The following PRKG1 variants were observed in gnomAD, a reference collection of about 807,000 sequenced individuals.
The protein encoded by PRKG1 is protein kinase cGMP-dependent 1, also known as cGMP-dependent protein kinase 1.
A neutral mutation model predicts 88.1 loss-of-function variants in PRKG1; 35 were observed. The observed-to-expected ratio is 0.40, with a 90% CI of 0.30 to 0.53. The LOEUF (loss-of-function observed/expected upper bound fraction) is 0.53. PRKG1 is among the 20% of genes least tolerant of loss of function. The pLI, the probability that PRKG1 is intolerant of heterozygous loss-of-function variation, is 0.59. For missense variants in PRKG1, 540 were observed against 839.8 expected (o/e 0.64, Z 4.41); for synonymous variants, 303 against 292.5 (o/e 1.04, Z -0.37).
At chr10:51,413,343 TG>T (rs973419884) in intron 2 of PRKG1, among the ~76,000 whole-genome samples, 4 of 134,902 alleles carry the variant, frequency 3.0e-5, no homozygotes, top group African/African-American at 8.0e-5. Flanking sequence ...TTAAAAAAAA[TG>T]TTTTTTTTTT....
At chr10:51,919,542 T>C (rs1045137727) in intron 5 of PRKG1, among the ~76,000 whole-genome samples, 1 of 151,966 alleles carries the variant, frequency 6.6e-6, no homozygotes, top group African/African-American at 2.4e-5. Flanking sequence ...GATTTTTTTT[T>C]TTGCTTTGAC....
intron 7 of PRKG1, among the ~76,000 whole-genome samples, chr10:52,095,960 G>T (rs1589602567): frequency 6.6e-6 from 1 of 152,294 alleles, no homozygotes; most frequent in African/African-American, 2.4e-5. Context: ...GTCAGAGAGT[G>T]ATTCCCCAGA....
chr10:51,463,342 CA>C (rs1839795406), intron 2 of PRKG1, among the ~76,000 whole-genome samples: 2 of 152,104 alleles, frequency 1.3e-5, no homozygotes, highest in Non-Finnish European at 2.9e-5. Context: ...GTGTCTCTGG[CA>C]AAAGCATGCT....
chr10:51,710,437 G>A (rs1276544612), intron 3 of PRKG1, among the ~76,000 whole-genome samples: 1 of 152,108 alleles, frequency 6.6e-6, no homozygotes, highest in Admixed American at 6.5e-5. Context: ...TGAAGATAGG[G>A]ATTATGATTT....
chr10:51,611,826 T>C (rs1250787003), intron 3 of PRKG1, among the ~76,000 whole-genome samples: 1 of 152,118 alleles, frequency 6.6e-6, no homozygotes, highest in Non-Finnish European at 1.5e-5. Flanking sequence ...CAGTGAGAGA[T>C]AGAAATGCAG....
At chr10:51,333,780 A>C (rs1841798888) in intron 2 of PRKG1, among the ~76,000 whole-genome samples, 1 of 152,180 alleles carries the variant, frequency 6.6e-6, no homozygotes, top group Admixed American at 6.5e-5. Flanking sequence ...GGAAGACAGA[A>C]AATCCAAGCC....
At chr10:51,625,026 T>C (rs1359923641) in intron 3 of PRKG1, among the ~76,000 whole-genome samples, 1 of 152,348 alleles carries the variant, frequency 6.6e-6, no homozygotes, top group East Asian at 1.9e-4. Context: ...AACAATGTAT[T>C]GTATATTTCA....
intron 3 of PRKG1, among the ~76,000 whole-genome samples, chr10:51,510,744 AT>A (rs71459420): frequency 0.29 from 38,758 of 133,856 alleles, 5,599 homozygotes; most frequent in East Asian, 0.86. Context: ...GCATTGTACT[AT>A]TTTTTTTTTT....
intron 2 of PRKG1, among the ~76,000 whole-genome samples, chr10:51,227,775 A>G (rs1406335576): frequency 1.3e-5 from 2 of 152,314 alleles, no homozygotes; most frequent in East Asian, 3.9e-4. Context: ...AGATCAGGTA[A>G]AGCATCCCTG....
At chr10:51,215,417 A>G (rs997871908) in intron 2 of PRKG1, among the ~76,000 whole-genome samples, 2 of 152,202 alleles carry the variant, frequency 1.3e-5, no homozygotes, top group African/African-American at 4.8e-5. Flanking sequence ...GCTGGTCTCC[A>G]TGGAGGTCAT....
chr10:51,074,357 T>C, upstream of PRKG1: 1 of 1,114,974 alleles, frequency 9.0e-7, no homozygotes, highest in South Asian at 1.9e-5. Flanking sequence ...TGGTTTGCTC[T>C]CCCCGCTCTG....
chr10:51,472,670 A>G (rs993204419), intron 3 of PRKG1, among the ~76,000 whole-genome samples: 2 of 151,984 alleles, frequency 1.3e-5, no homozygotes, highest in Admixed American at 1.3e-4. Flanking sequence ...TATTAGATTT[A>G]TGATAAAGAC....
At chr10:51,921,829 G>T (rs1246332298) in intron 5 of PRKG1, among the ~76,000 whole-genome samples, 1 of 151,928 alleles carries the variant, frequency 6.6e-6, no homozygotes, top group African/African-American at 2.4e-5. Context: ...CTCTGATGAA[G>T]ATTTTGGCAT....
chr10:51,951,182 GC>G lies in PRKG1; in HGVS notation c.762+43613del, dbSNP rs1843175410. On this transcript the variant is annotated intron_variant, in intron 5 of 17. Transcript: ENST00000373980. The stretch of plus-strand genomic sequence containing the variant: ...TTCAGCCTTCAGGCTGTTTTTTTTG[GC>G]TTGAAGGTGTGGTTTCACCAGAGAC... Among the ~76,000 whole-genome samples the G allele has an allele frequency of 5.3e-5, 8 of 152,204 alleles. No individual in the cohort carries two copies. The South Asian group carries it at 1.7e-3, about 32-fold the overall frequency.
intron 2 of PRKG1, among the ~76,000 whole-genome samples, chr10:51,332,735 T>C (rs1841773622): frequency 6.6e-6 from 1 of 152,196 alleles, no homozygotes; most frequent in Non-Finnish European, 1.5e-5. Context: ...ACCATCTCAC[T>C]GGCCTCAACC....
At chr10:51,073,146 CAT>C (rs1843859313), upstream of PRKG1, among the ~76,000 whole-genome samples, 1 of 152,108 alleles carries the variant, frequency 6.6e-6, no homozygotes, top group Non-Finnish European at 1.5e-5. Flanking sequence ...GGATTCTAAA[CAT>C]GTGTTCCCAT....
chr10:51,082,565 A>G (rs1225801835), intron 1 of PRKG1, among the ~76,000 whole-genome samples: 2 of 152,126 alleles, frequency 1.3e-5, no homozygotes, highest in African/African-American at 4.8e-5. Flanking sequence ...AACCACTCTA[A>G]TAGGAAGATG....
intron 2 of PRKG1, among the ~76,000 whole-genome samples, chr10:51,279,461 A>G (rs1377958442): frequency 6.6e-6 from 1 of 152,088 alleles, no homozygotes; most frequent in African/African-American, 2.4e-5. Flanking sequence ...GGATCTGTCT[A>G]ATGTTGACAG....
In PRKG1 at chr10:52,100,426, G is replaced by A. The variant is rs187645676; in HGVS notation, c.936-33414G>A. Among the ~76,000 whole-genome samples the A allele has an allele frequency of 1.4e-4, 22 of 152,318 alleles. No homozygotes were observed. The East Asian group carries it at 4.1e-3, about 28-fold the overall frequency. ...TTTGTTACATGCTAAAATAAATTCA[G>A]TGCACAGTCTGTACAATGAAACCGT... On this transcript the variant is annotated intron_variant, in intron 7 of 17. Transcript: ENST00000373980.
Sources: allele counts gnomAD v4.1 joint callset (sites outside exome capture counted in the v4.1 genomes callset), GRCh38; gene constraint gnomAD v4.1.1; transcripts MANE v1.5; gene names NCBI Gene and HGNC (gene_info 2026-07-23, HGNC 2026-07-21).